Variants in PRKN observed in about 807,000 individuals in gnomAD.
The protein encoded by PRKN is E3 ubiquitin-protein ligase parkin.
In PRKN, 56 loss-of-function variants were observed where a neutral mutation model predicts 59.5. The ratio of observed to expected loss-of-function variants is 0.94; its 90% CI spans 0.76 to 1.18. PRKN has a LOEUF of 1.18. Among genes scored for constraint, PRKN ranks in the 50% most tolerant of loss-of-function variants. The pLI, the probability that PRKN is intolerant of heterozygous loss-of-function variation, is 0.00. For missense variants in PRKN, 657 were observed against 596.4 expected, an observed-to-expected ratio of 1.10 and a Z score of -1.06; for synonymous variants, 250 against 222.1, an observed-to-expected ratio of 1.13 and a Z score of -1.12.
At chr6:161,672,457 A>G (rs1453772086) in intron 7 of PRKN, among the ~76,000 whole-genome samples, 1 of 152,192 alleles carries the variant, frequency 6.6e-6, no homozygotes, top group African/African-American at 2.4e-5. Flanking sequence ...AATCTTAAAG[A>G]TATCCCAGCA....
At chr6:161,693,303 A>AT (rs921319194) in intron 7 of PRKN, among the ~76,000 whole-genome samples, 1 of 151,990 alleles carries the variant, frequency 6.6e-6, no homozygotes, top group Admixed American at 6.6e-5. Context: ...ATCATGGTGT[A>AT]TTTTTTTCCC....
At chr6:162,174,637 A>T (rs1271059999) in intron 4 of PRKN, among the ~76,000 whole-genome samples, 2 of 152,162 alleles carry the variant, frequency 1.3e-5, no homozygotes, top group Non-Finnish European at 2.9e-5. Flanking sequence ...TTGGCTTCAC[A>T]CCAGACTTCT....
Position 161,545,051 on chromosome 6 carries a change from C to T in PRKN, c.1083+3803G>A. 1.6e-6 allele frequency: 1 copy of T among 630,444 alleles called. No homozygotes were observed. The highest frequency in any genetic ancestry group is 2.1e-6 in the Non-Finnish European group (1 of 475,724). The allele number at this position is 630,444 out of a possible 1,614,324, so 39.1% of individuals were successfully genotyped here. Reference sequence around the variant, plus strand: ...CTAGAAGATTAGAATCCTCTGGAGCCCAGAGCTCAACACATGGGTGTCTAG... The same window carrying T: ...CTAGAAGATTAGAATCCTCTGGAGCTCAGAGCTCAACACATGGGTGTCTAG... On this transcript the variant is annotated intron_variant, in intron 9 of 11. Transcript: ENST00000366898. This position sits in a 1 kb window ranked among gnomAD's most constrained non-coding sequence, Gnocchi z 4.1.
chr6:161,920,968 A>G (rs1036648480), intron 6 of PRKN, among the ~76,000 whole-genome samples: 1 of 152,098 alleles, frequency 6.6e-6, no homozygotes, highest in Non-Finnish European at 1.5e-5. Flanking sequence ...TATACAACAA[A>G]GTTCCTCAAT....
chr6:162,281,480 A>T (rs1228681723), intron 2 of PRKN, among the ~76,000 whole-genome samples: 1 of 152,276 alleles, frequency 6.6e-6, no homozygotes, highest in Middle Eastern at 3.4e-3. Flanking sequence ...GAAAAATTGT[A>T]TGTATTTCAT....
At chr6:162,276,203 A>T (rs922664829) in intron 2 of PRKN, among the ~76,000 whole-genome samples, 10 of 152,280 alleles carry the variant, frequency 6.6e-5, no homozygotes, top group East Asian at 3.9e-4. Flanking sequence ...GTTTTAAATA[A>T]TCTCCTTCGT....
intron 4 of PRKN, among the ~76,000 whole-genome samples, chr6:162,189,309 T>TTC: frequency 1.3e-5 from 2 of 151,644 alleles, no homozygotes; most frequent in Non-Finnish European, 2.9e-5. Flanking sequence ...TCTAAGTATC[T>TTC]TATATCGGAG....
chr6:162,025,823 A>C (rs2128277552), intron 5 of PRKN, among the ~76,000 whole-genome samples: 1 of 151,636 alleles, frequency 6.6e-6, no homozygotes, highest in East Asian at 2.0e-4. Flanking sequence ...TCCTGACCTC[A>C]AGTGATCCAC....
intron 3 of PRKN, among the ~76,000 whole-genome samples, chr6:162,207,403 G>A (rs537194689): frequency 6.6e-6 from 1 of 152,020 alleles, no homozygotes; most frequent in Non-Finnish European, 1.5e-5. Flanking sequence ...TGGGGATAAC[G>A]ACCATTTCAC....
At chr6:162,541,200 G>A (rs1231792132) in intron 1 of PRKN, among the ~76,000 whole-genome samples, 3 of 152,192 alleles carry the variant, frequency 2.0e-5, no homozygotes, top group Non-Finnish European at 4.4e-5. Context: ...CCCTCATGTG[G>A]GGAGACAGAC....
At chr6:161,558,173 G>A (rs1356625189) in intron 8 of PRKN, among the ~76,000 whole-genome samples, 1 of 152,142 alleles carries the variant, frequency 6.6e-6, no homozygotes, top group East Asian at 1.9e-4. Context: ...CACACAGGCA[G>A]AGAACCCACA....
At chr6:162,360,773 G>A (rs1287120548) in intron 2 of PRKN, among the ~76,000 whole-genome samples, 17 of 152,120 alleles carry the variant, frequency 1.1e-4, no homozygotes, top group South Asian at 2.1e-4. Context: ...GGCACACCAC[G>A]GGCCAGTGCT....
intron 2 of PRKN, among the ~76,000 whole-genome samples, chr6:162,370,922 A>G (rs757670903): frequency 6.6e-6 from 1 of 152,216 alleles, no homozygotes; most frequent in Non-Finnish European, 1.5e-5. Flanking sequence ...GGTACTGAGC[A>G]TGGAACGCAG....
chr6:161,929,696 T>C (rs1779099581), intron 6 of PRKN, among the ~76,000 whole-genome samples: 1 of 151,886 alleles, frequency 6.6e-6, no homozygotes, highest in South Asian at 2.1e-4. Flanking sequence ...GCTAATTTTT[T>C]AGTAGAAACG....
chr6:161,366,368 AAG>A lies in PRKN; in HGVS notation c.1168-6165_1168-6164del, dbSNP rs571319077. Among the ~76,000 whole-genome samples, 504 of 152,244 alleles carry A rather than the reference AAG, an allele frequency of 3.3e-3. 1 individual carries two copies. Among genetic ancestry groups the A allele is most frequent in the Admixed American group, 5.4e-3 (83 of 15,292 alleles). ...TGAGGGGCCGAGGCACACGTGAGCC[AAG>A]GAGTCAAGGACCCCCTCATGGAGAT... On this transcript the variant is annotated intron_variant, in intron 10 of 11. Coordinates refer to ENST00000366898, the MANE Select transcript of PRKN (RefSeq NM_004562.3).
intron 6 of PRKN, among the ~76,000 whole-genome samples, chr6:161,943,967 G>GCAGCCTGAGGAAGCAGCCTTGAGGAAT: frequency 6.9e-6 from 1 of 145,272 alleles, no homozygotes; most frequent in Non-Finnish European, 1.5e-5. Flanking sequence ...CCTTGAGGAA[G>GCAGCCTGAGGAAGCAGCCTTGAGGAAT]CAGCCTGAGG....
chr6:162,587,590 A>G (rs1048832917), intron 1 of PRKN, among the ~76,000 whole-genome samples: 1 of 152,324 alleles, frequency 6.6e-6, no homozygotes, highest in Non-Finnish European at 1.5e-5. Flanking sequence ...CAATAAATAT[A>G]TTTATGATAA....
intron 1 of PRKN, among the ~76,000 whole-genome samples, chr6:162,570,880 G>C (rs905654426): frequency 2.6e-5 from 4 of 152,156 alleles, no homozygotes; most frequent in Non-Finnish European, 5.9e-5. Context: ...TAGCATAACA[G>C]GGTGACCACA....
At position 162,262,567 on chromosome 6, in the gene PRKN, G is replaced by A; in HGVS notation, c.370C>T (p.His124Tyr). Residue 124 changes from histidine (H) to tyrosine (Y), a missense_variant, in exon 3 of 12, where the codon CAC becomes TAC. By Grantham distance (83) the His-to-Tyr change is moderately conservative (BLOSUM62 2). Coordinates refer to ENST00000366898, the MANE Select transcript of PRKN (RefSeq NM_004562.3). ...GDSVGLAVIL[H>Y]TDSRKDSPPA... ...GGTGAGTCCTTCCTGCTGTCAGTGT[G>A]CAGAATGACAGCCAGCCCCACAGAG... 2 of 1,613,090 alleles carry A rather than the reference G, an allele frequency of 1.2e-6. No homozygotes were observed. The highest frequency in any genetic ancestry group is 1.7e-6 in the Non-Finnish European group (2 of 1,179,166).
Sources: gnomAD v4.1 joint callset for allele counts (sites outside exome capture counted in the v4.1 genomes callset) on GRCh38, gnomAD v4.1.1 for gene constraint, Gnocchi (gnomAD v3.1) non-coding constraint, MANE v1.5 for transcripts, NCBI Gene and HGNC (gene_info 2026-07-23, HGNC 2026-07-21) for gene names.